Variants in MAGI2 observed in about 807,000 individuals in gnomAD.
MAGI2 encodes membrane associated guanylate kinase, WW and PDZ domain containing 2, also known as membrane-associated guanylate kinase, WW and PDZ domain-containing protein 2.
In MAGI2, 35 loss-of-function variants were observed where a neutral mutation model predicts 133.3. The observed-to-expected ratio is 0.26, with a 90% CI of 0.20 to 0.35. MAGI2 has a LOEUF of 0.35. MAGI2 is among the 10% of genes least tolerant of loss of function. The pLI is 1.00. For missense variants in MAGI2, 1,636 were observed against 1,863.4 expected (o/e 0.88, Z 2.25); for synonymous variants, 729 against 710.6 (o/e 1.03, Z -0.41).
At chr7:79,078,795 A>T (rs548263124) in intron 1 of MAGI2, among the ~76,000 whole-genome samples, 2 of 152,238 alleles carry the variant, frequency 1.3e-5, no homozygotes, top group South Asian at 4.1e-4. Context: ...CATCAACTCA[A>T]TGGGTACGTT....
chr7:78,811,727 C>A (rs1449897126), intron 2 of MAGI2, among the ~76,000 whole-genome samples: 1 of 152,166 alleles, frequency 6.6e-6, no homozygotes, highest in Non-Finnish European at 1.5e-5. Flanking sequence ...TGGCCCATGG[C>A]CTGTGTTTGT....
chr7:79,028,488 T>C (rs1263405370), intron 1 of MAGI2, among the ~76,000 whole-genome samples: 1 of 151,392 alleles, frequency 6.6e-6, no homozygotes, highest in Admixed American at 6.6e-5. Flanking sequence ...GGTTAACTAC[T>C]TCCTATGGGT....
chr7:78,828,943 A>G (rs115452133), intron 2 of MAGI2, among the ~76,000 whole-genome samples: 2,258 of 152,278 alleles, frequency 0.015, 34 homozygotes, highest in African/African-American at 0.037. Context: ...TATCAGGTTC[A>G]AAAACTGTCT....
chr7:78,268,619 C>T (rs1035254328), intron 9 of MAGI2, among the ~76,000 whole-genome samples: 2 of 152,136 alleles, frequency 1.3e-5, no homozygotes, highest in African/African-American at 4.8e-5. Context: ...TCAGACTTGT[C>T]TTCCAACTAT....
chr7:79,168,915 T>G (rs374425403), intron 1 of MAGI2, among the ~76,000 whole-genome samples: 1 of 19,320 alleles, frequency 5.2e-5, no homozygotes, highest in Non-Finnish European at 6.1e-4. Context: ...TATATATATA[T>G]ATATATATAT....
At chr7:78,425,942 T>C (rs1022500166) in intron 6 of MAGI2, among the ~76,000 whole-genome samples, 5 of 152,050 alleles carry the variant, frequency 3.3e-5, no homozygotes, top group African/African-American at 1.2e-4. Flanking sequence ...ATTCACAGTA[T>C]AATAAAAAAA....
intron 2 of MAGI2, among the ~76,000 whole-genome samples, chr7:78,862,895 A>T (rs768985096): frequency 3.3e-5 from 5 of 152,244 alleles, no homozygotes; most frequent in Non-Finnish European, 5.9e-5. Flanking sequence ...AATATGTTAA[A>T]GCAAAGACAG....
At chr7:79,124,208 G>A (rs1259984102) in intron 1 of MAGI2, among the ~76,000 whole-genome samples, 1 of 152,088 alleles carries the variant, frequency 6.6e-6, no homozygotes, top group Non-Finnish European at 1.5e-5. Context: ...AATATAGAAA[G>A]GCCAAGATAA....
At chr7:79,330,741 TGTGAGG>T (rs1840019660) in intron 1 of MAGI2, among the ~76,000 whole-genome samples, 1 of 152,072 alleles carries the variant, frequency 6.6e-6, no homozygotes, top group Admixed American at 6.6e-5. Context: ...CAAAGATTGT[TGTGAGG>T]ATTAAATTAT....
chr7:79,442,605 T>C (rs554902827), intron 1 of MAGI2, among the ~76,000 whole-genome samples: 34 of 152,192 alleles, frequency 2.2e-4, no homozygotes, highest in African/African-American at 7.9e-4. Context: ...GATCCAACTA[T>C]AGATACTGTT....
At chr7:78,383,766 G>T (rs933999144) in intron 6 of MAGI2, among the ~76,000 whole-genome samples, 5 of 151,930 alleles carry the variant, frequency 3.3e-5, no homozygotes, top group Admixed American at 6.6e-5. Flanking sequence ...CATTTGAGTT[G>T]ATTTTTGTAT....
chr7:79,418,767 T>G (rs1483165589), intron 1 of MAGI2, among the ~76,000 whole-genome samples: 2 of 150,820 alleles, frequency 1.3e-5, no homozygotes, highest in East Asian at 1.9e-4. Context: ...ATTATATAAT[T>G]AGACACTTAC....
At chr7:78,372,056 A>C (rs959570336) in intron 6 of MAGI2, among the ~76,000 whole-genome samples, 1 of 48,518 alleles carries the variant, frequency 2.1e-5, no homozygotes, top group African/African-American at 8.8e-5. Context: ...ACTAATGTTT[A>C]AAAAGTTGTA....
intron 1 of MAGI2, among the ~76,000 whole-genome samples, chr7:79,345,876 C>T (rs917529119): frequency 1.3e-4 from 19 of 152,000 alleles, no homozygotes; most frequent in Non-Finnish European, 1.9e-4. Flanking sequence ...AAAATCACCC[C>T]TTATCCATTA....
intron 1 of MAGI2, among the ~76,000 whole-genome samples, chr7:79,123,853 A>G (rs553113696): frequency 1.3e-3 from 197 of 148,696 alleles, no homozygotes; most frequent in African/African-American, 4.7e-3. Flanking sequence ...GTAACGTGGT[A>G]TCTATTTATT....
At chr7:79,270,586 T>C (rs528683898) in intron 1 of MAGI2, among the ~76,000 whole-genome samples, 37 of 152,270 alleles carry the variant, frequency 2.4e-4, no homozygotes, top group Admixed American at 1.0e-3. Context: ...CAGATCCTTG[T>C]AGAGGAAATT....
intron 3 of MAGI2, 136 bp from the exon 4 acceptor site, chr7:78,521,781 T>C: frequency 1.6e-6 from 1 of 643,666 alleles, no homozygotes; most frequent in Non-Finnish European, 2.7e-6. Flanking sequence ...CATATATATA[T>C]ATGGTTTTCT....
chr7:78,060,879 GT>G (rs1813168060), intron 21 of MAGI2, among the ~76,000 whole-genome samples: 1 of 152,112 alleles, frequency 6.6e-6, no homozygotes, highest in Non-Finnish European at 1.5e-5. Context: ...GCACTTAAAG[GT>G]TTTTGTTGGG....
intron 1 of MAGI2, among the ~76,000 whole-genome samples, chr7:79,241,153 C>G (rs993137625): frequency 1.3e-5 from 2 of 152,110 alleles, no homozygotes; most frequent in African/African-American, 4.8e-5. Flanking sequence ...TTCATTGTTA[C>G]GTGAGTGTGA....
Sources: allele counts gnomAD v4.1 joint callset (sites outside exome capture counted in the v4.1 genomes callset), GRCh38; gene constraint gnomAD v4.1.1; transcripts MANE v1.5; gene names NCBI Gene and HGNC (gene_info 2026-07-23, HGNC 2026-07-21).